TENM2: variants seen among roughly 807,000 people sequenced by gnomAD.
TENM2 encodes teneurin transmembrane protein 2.
Under a neutral mutation model 245.2 loss-of-function variants are expected in TENM2, and 52 were observed. The ratio of observed to expected loss-of-function variants is 0.21; its 90% CI spans 0.17 to 0.27. The LOEUF (loss-of-function observed/expected upper bound fraction) is 0.27. Ranked by LOEUF, TENM2 falls within the 10% of genes least tolerant of loss-of-function variation. TENM2 has a pLI of 1.00. For synonymous variants in TENM2, 1,363 were observed against 1,438.9 expected (o/e 0.95, Z 1.19); for missense variants, 3,046 against 3,666.8 (o/e 0.83, Z 4.37).
chr5:167,996,456 T>C (rs1429427511), intron 5 of TENM2, among the ~76,000 whole-genome samples: 2 of 152,202 alleles, frequency 1.3e-5, no homozygotes, highest in Non-Finnish European at 2.9e-5. Flanking sequence ...TCCTAGGGAA[T>C]ACTGGTTTAG....
At chr5:167,227,312 T>C in the TENM2 span, among the ~76,000 whole-genome samples, 1 of 152,126 alleles carries the variant, frequency 6.6e-6, no homozygotes, top group African/African-American at 2.4e-5. Flanking sequence ...TGGTACCATT[T>C]GAGTCCTTTC....
chr5:168,015,918 A>T lies in TENM2; in HGVS notation c.1186+22736A>T, dbSNP rs73803830. On this transcript the variant is annotated intron_variant, in intron 5 of 28. Coordinates refer to ENST00000518659, the Ensembl canonical transcript of TENM2. The stretch of plus-strand genomic sequence containing the variant: ...GAATTGTCCCCATTTGGCAGATGGG[A>T]AAACCAAGTCTTAGAAAGTTTCAGT... Among the ~76,000 whole-genome samples the T allele has an allele frequency of 1.2e-3, 183 of 152,306 alleles. 1 individual carries two copies. The highest frequency in any genetic ancestry group is 4.1e-3 in the African/African-American group (172 of 41,558).
At chr5:168,022,475 C>A (rs995081754) in intron 5 of TENM2, among the ~76,000 whole-genome samples, 2 of 152,232 alleles carry the variant, frequency 1.3e-5, no homozygotes, top group Non-Finnish European at 2.9e-5. Flanking sequence ...CATTGTCTAG[C>A]CACCCTTGGC....
At chr5:167,621,882 C>T (rs1283698381) in intron 2 of TENM2, among the ~76,000 whole-genome samples, 3 of 152,120 alleles carry the variant, frequency 2.0e-5, no homozygotes, top group Non-Finnish European at 2.9e-5. Flanking sequence ...TGTTAACATG[C>T]ATTTTCAACA....
intron 2 of TENM2, among the ~76,000 whole-genome samples, chr5:167,772,794 A>G (rs2150775721): frequency 6.6e-6 from 1 of 152,310 alleles, no homozygotes; most frequent in African/African-American, 2.4e-5. Flanking sequence ...TCAGTTTTCC[A>G]TATGTTTAAC....
intron 2 of TENM2, among the ~76,000 whole-genome samples, chr5:167,759,906 T>A (rs1762549590): frequency 6.6e-6 from 1 of 152,048 alleles, no homozygotes; most frequent in African/African-American, 2.4e-5. Context: ...TGTGATTTTT[T>A]AAAAAAACAT....
At chr5:167,711,034 C>T (rs780882098) in intron 2 of TENM2, among the ~76,000 whole-genome samples, 1 of 152,070 alleles carries the variant, frequency 6.6e-6, no homozygotes, top group Admixed American at 6.6e-5. Flanking sequence ...TTACTGAATC[C>T]CCAGAGGCCT....
the TENM2 span, among the ~76,000 whole-genome samples, chr5:167,046,568 A>G: frequency 1.3e-5 from 2 of 152,112 alleles, no homozygotes; most frequent in East Asian, 3.9e-4. Flanking sequence ...AATAAAATAC[A>G]TTTTCTCACT....
At chr5:168,084,582 G>A (rs1792284528) in intron 7 of TENM2, among the ~76,000 whole-genome samples, 1 of 152,234 alleles carries the variant, frequency 6.6e-6, no homozygotes, top group African/African-American at 2.4e-5. Context: ...GAAGCAAGCA[G>A]CTGTGAGATC....
At chr5:167,410,654 G>C (rs1489767471) in intron 2 of TENM2, among the ~76,000 whole-genome samples, 1 of 152,070 alleles carries the variant, frequency 6.6e-6, no homozygotes, top group Middle Eastern at 3.4e-3. Context: ...AGCTTCCTTG[G>C]TATGCATAAA....
intron 23 of TENM2, among the ~76,000 whole-genome samples, chr5:168,225,496 C>T (rs896766553): frequency 3.3e-5 from 5 of 152,214 alleles, no homozygotes; most frequent in African/African-American, 9.6e-5. Context: ...GTGCGTGGCT[C>T]ACGCCTGTAA....
intron 1 of TENM2, among the ~76,000 whole-genome samples, chr5:167,364,226 A>G (rs1283382560): frequency 6.6e-6 from 1 of 152,160 alleles, no homozygotes; most frequent in African/African-American, 2.4e-5. Context: ...GGCACAAAAT[A>G]TATCAAGTAA....
chr5:167,898,010 A>G (rs1452756638), intron 3 of TENM2, among the ~76,000 whole-genome samples: 4 of 150,992 alleles, frequency 2.6e-5, no homozygotes, highest in Admixed American at 6.7e-5. Context: ...AGAGATTTGC[A>G]CACAGAAGAC....
In TENM2 at chr5:168,099,846, C is replaced by T. The variant is rs115184893; in HGVS notation, c.1813+1719C>T. ...GAGACTTAATTCCTAAATGACACCG[C>T]TTACAGGCATCTCTTCTGTCACACA... is the stretch of plus-strand genomic sequence containing the variant. On this transcript the variant is annotated intron_variant, in intron 9 of 28. Transcript: ENST00000518659. 3.2e-3 allele frequency among the ~76,000 whole-genome samples: 490 copies of T among 152,332 alleles called. 2 individuals carry two copies. Among genetic ancestry groups the T allele is most frequent in the African/African-American group, 0.011 (467 of 41,568 alleles).
At chr5:168,125,464 G>A (rs1450206386) in intron 11 of TENM2, among the ~76,000 whole-genome samples, 1 of 152,134 alleles carries the variant, frequency 6.6e-6, no homozygotes, top group Non-Finnish European at 1.5e-5. Flanking sequence ...TCCAGTGACA[G>A]GAAAATAATG....
intron 2 of TENM2, among the ~76,000 whole-genome samples, chr5:167,690,322 G>T (rs1757344839): frequency 6.6e-6 from 1 of 151,806 alleles, no homozygotes; most frequent in South Asian, 2.1e-4. Context: ...GGAAAGTGAG[G>T]TTCAGAAAGA....
At chr5:167,240,914 G>A in the TENM2 span, among the ~76,000 whole-genome samples, 1 of 152,172 alleles carries the variant, frequency 6.6e-6, no homozygotes, top group Admixed American at 6.5e-5. Context: ...AACAGGTAGG[G>A]TGGATGGTGA....
chr5:166,984,127 G>A, the TENM2 span, among the ~76,000 whole-genome samples: 4 of 152,052 alleles, frequency 2.6e-5, no homozygotes, highest in African/African-American at 9.7e-5. Context: ...CTTTTGTAAA[G>A]TGCTTTTATT....
At chr5:167,014,642 C>G in the TENM2 span, among the ~76,000 whole-genome samples, 7 of 152,170 alleles carry the variant, frequency 4.6e-5, no homozygotes, top group Non-Finnish European at 8.8e-5. Context: ...AGACTGGGTA[C>G]TCCAAAGTGA....
Sources: gnomAD v4.1 joint callset for allele counts (sites outside exome capture counted in the v4.1 genomes callset) on GRCh38, gnomAD v4.1.1 for gene constraint, MANE v1.5 for transcripts, NCBI Gene and HGNC (gene_info 2026-07-23, HGNC 2026-07-21) for gene names.